Variants in KCNJ4 observed in about 807,000 individuals in gnomAD.
The protein encoded by KCNJ4 is potassium inwardly rectifying channel subfamily J member 4.
Under a neutral mutation model 25.6 loss-of-function variants are expected in KCNJ4, and 3 were observed. That is an observed-to-expected ratio of 0.12 (90% CI 0.05 to 0.30). The LOEUF is 0.30. Among genes scored for constraint, KCNJ4 ranks in the 10% least tolerant of loss-of-function variants. The pLI, the probability that KCNJ4 is intolerant of heterozygous loss-of-function variation, is 1.00. For synonymous variants in KCNJ4, 257 were observed against 283.9 expected (o/e 0.91, Z 0.95); for missense variants, 286 against 666.8 (o/e 0.43, Z 6.29).
intron 1 of KCNJ4, among the ~76,000 whole-genome samples, 180 bp downstream of exon 1, chr22:38,454,800 G>A (rs562336436): frequency 6.6e-6 from 1 of 151,650 alleles, no homozygotes; most frequent in Non-Finnish European, 1.5e-5. Context: ...GAGCCCGCCC[G>A]TGGAGCCCGC....
In KCNJ4 at chr22:38,454,970, C is replaced by A. The variant is rs1284671024; in HGVS notation, c.-40+10G>T. The A allele has an allele frequency of 4.0e-5, 6 of 151,652 alleles. No individual in the cohort carries two copies. Among genetic ancestry groups the A allele is most frequent in the African/African-American group, 1.5e-4 (6 of 41,370 alleles). The allele number at this position is 151,652 out of a possible 1,614,324, so 9.4% of individuals were successfully genotyped here. On this transcript the variant is annotated intron_variant, in intron 1 of 1. Coordinates refer to ENST00000303592, the MANE Select transcript of KCNJ4 (RefSeq NM_152868.3). ...ACGGACAGCGCCCGGGGTGGGCGAGCGCGGCTTACCGCTGGGCGGAGGGTC... is the reference window on the plus strand; with the variant it reads ...ACGGACAGCGCCCGGGGTGGGCGAGAGCGGCTTACCGCTGGGCGGAGGGTC...
intron 1 of KCNJ4, among the ~76,000 whole-genome samples, chr22:38,430,377 G>C (rs980594344): frequency 6.6e-6 from 1 of 152,178 alleles, no homozygotes; most frequent in Non-Finnish European, 1.5e-5. Flanking sequence ...GGTGGCGTGT[G>C]CCTGTAATCC....
chr22:38,438,603 C>T (rs768368564), intron 1 of KCNJ4, among the ~76,000 whole-genome samples: 16 of 148,898 alleles, frequency 1.1e-4, no homozygotes, highest in Middle Eastern at 3.3e-3. Flanking sequence ...GCATGAGAAT[C>T]GCTTGAATCC....
chr22:38,427,626 G>A lies in KCNJ4; in HGVS notation c.507C>T (p.Gly169=). The change falls in exon 2 of 2, where the codon GGC becomes GGT. Residue 169 remains glycine (G), a synonymous_variant. Coordinates refer to ENST00000303592, the MANE Select transcript of KCNJ4 (RefSeq NM_152868.3). ...VGCVIDSFMI[G]TIMAKMARPK... is the part of the protein sequence containing the mutation. ...GCCGCGCCATCTTGGCCATGATGGT[G>A]CCAATCATGAAGGAGTCGATGACGC... 2 of 1,613,254 alleles carry A rather than the reference G, an allele frequency of 1.2e-6. No homozygotes were observed. Among genetic ancestry groups the A allele is most frequent in the Non-Finnish European group, 1.7e-6 (2 of 1,179,950 alleles).
At position 38,427,755 on chromosome 22, in the gene KCNJ4, C is replaced by T. The variant is rs752078133; in HGVS notation, c.378G>A (p.Leu126=). ...TGGTCGTCTGCGTCTCCACCGAGAA[C>T]AGGAAGGCACCCAGGAAGCCGTTCA... The part of the protein sequence containing the change: ...MHVNGFLGAF[L]FSVETQTTIG... Residue 126 remains leucine, a synonymous_variant, in exon 2 of 2, where the codon CTG becomes CTA. Coordinates refer to ENST00000303592, the MANE Select transcript of KCNJ4 (RefSeq NM_152868.3). The T allele has an allele frequency of 4.3e-6, 7 of 1,609,342 alleles. No individual in the cohort carries two copies. Among genetic ancestry groups the T allele is most frequent in the Non-Finnish European group, 5.9e-6 (7 of 1,179,266 alleles).
chr22:38,429,076 C>T lies in KCNJ4; in HGVS notation c.-39-905G>A, dbSNP rs1235476967. On this transcript the variant is annotated intron_variant, in intron 1 of 1. Coordinates refer to ENST00000303592, the MANE Select transcript of KCNJ4 (RefSeq NM_152868.3). Reference sequence around the variant, plus strand: ...TCCAACCTGGGTCACAGAGCAAGACCCCATGTCAAAAAAAAAAAAAAAAAA... The same window carrying T: ...TCCAACCTGGGTCACAGAGCAAGACTCCATGTCAAAAAAAAAAAAAAAAAA... 7.5e-5 allele frequency among the ~76,000 whole-genome samples: 9 copies of T among 120,754 alleles called. No individual in the cohort carries two copies. The East Asian group carries it at 2.0e-3, about 27-fold the overall frequency. The allele number at this position is 120,754 out of a possible 152,430, so 79.2% of individuals were successfully genotyped here. A position where few individuals can be genotyped will look rare whatever the true frequency, so the allele number is the denominator to read the frequency against.
In KCNJ4 at chr22:38,448,172, G is replaced by A. The variant is rs556443547; in HGVS notation, c.-40+6808C>T. On this transcript the variant is annotated intron_variant, in intron 1 of 1. Transcript: ENST00000303592. ...GAGGCAGGAGAATCGCTTGAACCCG[G>A]GAGGCAGAGGTTGCACTGAGCTGAG... Among the ~76,000 whole-genome samples the A allele has an allele frequency of 5.3e-5, 8 of 151,776 alleles. No homozygotes were observed. The South Asian group carries it at 1.7e-3, about 32-fold the overall frequency.
chr22:38,427,563 G>A lies in KCNJ4; in HGVS notation c.570C>T (p.His190=), dbSNP rs540270406. The stretch of plus-strand genomic sequence containing the variant: ...TGCCGTCGCGCACCGAAATGACCGC[G>A]TGGTGGCTGAACAGCAACGTCTGCG... ...KRAQTLLFSH[H]AVISVRDGKL... The change falls in exon 2 of 2, where the codon CAC becomes CAT. Residue 190 remains histidine, a synonymous_variant. Coordinates refer to ENST00000303592, the MANE Select transcript of KCNJ4 (RefSeq NM_152868.3). 1.7e-5 allele frequency: 28 copies of A among 1,611,268 alleles called. No individual in the cohort carries two copies. Among genetic ancestry groups the A allele is most frequent in the Middle Eastern group, 1.7e-4 (1 of 6,050 alleles).
intron 1 of KCNJ4, among the ~76,000 whole-genome samples, chr22:38,450,257 C>T (rs1324301247): frequency 1.3e-5 from 2 of 152,104 alleles, no homozygotes; most frequent in Non-Finnish European, 2.9e-5. Flanking sequence ...CTGCCCCTTG[C>T]CAGGACCCAC....
intron 1 of KCNJ4, among the ~76,000 whole-genome samples, chr22:38,434,849 C>G (rs909192677): frequency 7.9e-5 from 12 of 152,224 alleles, no homozygotes; most frequent in African/African-American, 2.7e-4. Context: ...CCAGCATATC[C>G]TCTTTGAACC....
At chr22:38,429,100 A>G (rs66888672) in intron 1 of KCNJ4, among the ~76,000 whole-genome samples, 8 of 150,248 alleles carry the variant, frequency 5.3e-5, no homozygotes, top group Non-Finnish European at 1.2e-4. Context: ...AAAAAAAAAA[A>G]AAAAAAGAAA....
At chr22:38,430,503 G>A (rs1030870544) in intron 1 of KCNJ4, among the ~76,000 whole-genome samples, 13 of 150,578 alleles carry the variant, frequency 8.6e-5, no homozygotes, top group East Asian at 3.9e-4. Context: ...ACTTCGTCTC[G>A]AAAAAAAAAG....
intron 1 of KCNJ4, among the ~76,000 whole-genome samples, chr22:38,436,822 C>T (rs972810031): frequency 6.6e-6 from 1 of 152,176 alleles, no homozygotes; most frequent in Non-Finnish European, 1.5e-5. Flanking sequence ...AGCAACTTGC[C>T]CAAGGTCACA....
intron 1 of KCNJ4, among the ~76,000 whole-genome samples, chr22:38,437,856 A>G (rs1249157255): frequency 6.6e-6 from 1 of 152,118 alleles, no homozygotes; most frequent in Non-Finnish European, 1.5e-5. Flanking sequence ...TAATCCTAGC[A>G]CTTTGGGAGG....
At chr22:38,430,933 C>G (rs1294941328) in intron 1 of KCNJ4, among the ~76,000 whole-genome samples, 2 of 152,208 alleles carry the variant, frequency 1.3e-5, no homozygotes, top group African/African-American at 2.4e-5. Flanking sequence ...CTGAACAAGG[C>G]CTCACCCCCA....
chr22:38,435,693 G>A (rs1367607014), intron 1 of KCNJ4, among the ~76,000 whole-genome samples: 3 of 149,322 alleles, frequency 2.0e-5, no homozygotes, highest in Admixed American at 6.7e-5. Flanking sequence ...ACTCTGTCTC[G>A]GGAAAAAAAA....
At chr22:38,432,743 C>A (rs1270968817) in intron 1 of KCNJ4, among the ~76,000 whole-genome samples, 2 of 151,942 alleles carry the variant, frequency 1.3e-5, no homozygotes, top group South Asian at 4.1e-4. Flanking sequence ...CAGAGGCAGG[C>A]GGATCTCTTG....
intron 1 of KCNJ4, among the ~76,000 whole-genome samples, chr22:38,441,812 C>T (rs533600761): frequency 6.6e-6 from 1 of 152,340 alleles, no homozygotes; most frequent in East Asian, 1.9e-4. Flanking sequence ...GCAGCCTTGC[C>T]TTCAGCAGCA....
In KCNJ4 at chr22:38,426,603, G is replaced by C. The variant is rs928441098; in HGVS notation, c.*192C>G. ...GGCGCTGGCGGAACTCAGGCTGATC[G>C]GGGCCGAGCTCTTCCCAGGCCTGGG... On this transcript the variant is annotated 3_prime_UTR_variant, in exon 2 of 2. Coordinates refer to ENST00000303592, the MANE Select transcript of KCNJ4 (RefSeq NM_152868.3). 2 of 674,462 alleles carry C rather than the reference G, an allele frequency of 3.0e-6. No homozygotes were observed. The highest frequency in any genetic ancestry group is 2.5e-6 in the Non-Finnish European group (1 of 405,418). 41.8% of individuals were successfully genotyped at this position (674,462 alleles called of 1,614,324 possible).
Sources: gnomAD v4.1 joint callset for allele counts (sites outside exome capture counted in the v4.1 genomes callset) on GRCh38, gnomAD v4.1.1 for gene constraint, MANE v1.5 for transcripts, NCBI Gene and HGNC (gene_info 2026-07-23, HGNC 2026-07-21) for gene names.